The following CLCN4 variants were observed in gnomAD, a reference collection of about 807,000 sequenced individuals.
CLCN4 encodes the protein H(+)/Cl(-) exchange transporter 4.
Under a neutral mutation model 41.7 loss-of-function variants are expected in CLCN4, and 1 was observed. The ratio of observed to expected loss-of-function variants is 0.02; its 90% confidence interval spans 0.01 to 0.11. The LOEUF (loss-of-function observed/expected upper bound fraction) is 0.11, where lower values mean the gene tolerates loss of function less well. CLCN4 is among the 10% of genes least tolerant of loss of function. The pLI is 1.00. For synonymous variants in CLCN4, 277 were observed against 285.8 expected, an observed-to-expected ratio of 0.97 and a Z score of 0.31; for missense variants, 287 against 661.0, an observed-to-expected ratio of 0.43 and a Z score of 6.20.
chrX:10,180,936 C>T (rs189763004), intron 2 of CLCN4, among the ~76,000 whole-genome samples: 4 of 110,846 alleles, frequency 3.6e-5, no homozygotes, highest in Non-Finnish European at 7.6e-5. Flanking sequence ...GGCCCAGGCA[C>T]CAGATGTGTG....
chrX:10,206,810 T>C, intron 8 of CLCN4, 34 bp downstream of exon 8: 1 of 1,058,715 alleles, frequency 9.4e-7, no homozygotes, highest in East Asian at 3.0e-5. Context: ...TTCGTGATTT[T>C]GAGCAGCAAG....
intron 5 of CLCN4, among the ~76,000 whole-genome samples, 157 bp from the exon 6 acceptor site, chrX:10,197,782 A>G: frequency 9.0e-6 from 1 of 111,714 alleles, no homozygotes; most frequent in South Asian, 3.8e-4. Context: ...AACAGCTGAT[A>G]AACCTACGCT....
chrX:10,175,587 T>C (rs1242474320), intron 2 of CLCN4, among the ~76,000 whole-genome samples: 1 of 111,715 alleles, frequency 9.0e-6, no homozygotes, highest in Non-Finnish European at 1.9e-5. Flanking sequence ...GAGATGTTTA[T>C]TTTTAGCTGC....
intron 12 of CLCN4, among the ~76,000 whole-genome samples, chrX:10,225,097 G>A (rs1045886786): frequency 2.7e-5 from 3 of 111,662 alleles, no homozygotes; most frequent in Non-Finnish European, 5.6e-5. Context: ...TATTCCTTTG[G>A]GTATATACTC....
intron 2 of CLCN4, among the ~76,000 whole-genome samples, chrX:10,177,474 A>G (rs1299627730): frequency 8.9e-6 from 1 of 112,054 alleles, no homozygotes; most frequent in African/African-American, 3.3e-5. Flanking sequence ...AGAAGCAGGC[A>G]ACAGTAATCT....
At chrX:10,189,035 A>G (rs755796497) in intron 4 of CLCN4, among the ~76,000 whole-genome samples, 1 of 112,134 alleles carries the variant, frequency 8.9e-6, no homozygotes, top group East Asian at 2.8e-4. Context: ...CAGCCAGGGC[A>G]GGAAATTAGA....
At chrX:10,161,676 GCAGTGATCCC>G (rs1161358066) in intron 2 of CLCN4, among the ~76,000 whole-genome samples, 5 of 111,197 alleles carry the variant, frequency 4.5e-5, no homozygotes, top group Non-Finnish European at 9.4e-5. Context: ...TCGGACAGAT[GCAGTGATCCC>G]CACCCCTGGC....
chrX:10,174,546 C>T (rs964775942), intron 2 of CLCN4, among the ~76,000 whole-genome samples: 7 of 112,536 alleles, frequency 6.2e-5, no homozygotes, highest in African/African-American at 2.3e-4. Context: ...TCAGGACCAT[C>T]CTAGGAGGTG....
intron 4 of CLCN4, among the ~76,000 whole-genome samples, chrX:10,189,416 A>G (rs1465762163): frequency 9.0e-6 from 1 of 111,325 alleles, no homozygotes; most frequent in Non-Finnish European, 1.9e-5. Context: ...CTTCACTTAA[A>G]CAGTATCTCT....
chrX:10,217,901 C>A (rs971778463), intron 11 of CLCN4, among the ~76,000 whole-genome samples: 7 of 110,964 alleles, frequency 6.3e-5, no homozygotes, highest in Non-Finnish European at 1.1e-4. Flanking sequence ...TGCCACCAGG[C>A]GTGGCTAATT....
chrX:10,157,692 G>A (rs966802713), intron 1 of CLCN4, among the ~76,000 whole-genome samples: 5 of 112,722 alleles, frequency 4.4e-5, no homozygotes, highest in African/African-American at 1.6e-4. Flanking sequence ...TTCTGTGATA[G>A]TAAAATGACT....
chrX:10,193,958 AG>A (rs1210482286), intron 4 of CLCN4, among the ~76,000 whole-genome samples: 1 of 53,259 alleles, frequency 1.9e-5, no homozygotes, highest in Non-Finnish European at 4.3e-5. Flanking sequence ...GGAAACAGGG[AG>A]GGTTTTTTTT....
intron 2 of CLCN4, among the ~76,000 whole-genome samples, chrX:10,174,617 T>G (rs753846966): frequency 8.9e-6 from 1 of 112,164 alleles, no homozygotes; most frequent in East Asian, 2.8e-4. Flanking sequence ...GTGACACCCA[T>G]GGCAACCTGC....
chrX:10,160,848 C>T (rs998785249), intron 2 of CLCN4, among the ~76,000 whole-genome samples: 2 of 111,436 alleles, frequency 1.8e-5, no homozygotes, highest in Non-Finnish European at 3.8e-5. Flanking sequence ...GAGCTGCTGT[C>T]GGATCTGTAA....
In CLCN4 at chrX:10,214,531, G is replaced by A. The variant is rs147836899; in HGVS notation, c.1975+452G>A. On this transcript the variant is annotated intron_variant, in intron 11 of 12. Coordinates refer to ENST00000380833, the MANE Select transcript of CLCN4 (RefSeq NM_001830.4). ...AGACTTTCAGGTGTACCAACCATCC[G>A]GCTGAGATCACGAGTTCTCTGCCCC... Among the ~76,000 whole-genome samples the A allele has an allele frequency of 2.6e-3, 297 of 112,850 alleles. 1 individual carries two copies. Among genetic ancestry groups the A allele is most frequent in the African/African-American group, 9.2e-3 (285 of 31,122 alleles).
intron 2 of CLCN4, among the ~76,000 whole-genome samples, chrX:10,180,420 G>A (rs1025791907): frequency 3.6e-5 from 4 of 111,154 alleles, no homozygotes; most frequent in Middle Eastern, 4.6e-3. Context: ...AGCTTCTGCC[G>A]GGTCTCTCTC....
intron 2 of CLCN4, among the ~76,000 whole-genome samples, chrX:10,164,470 T>C (rs1050083326): frequency 2.7e-5 from 3 of 111,185 alleles, no homozygotes; most frequent in African/African-American, 9.8e-5. Flanking sequence ...GGGAGTGACA[T>C]GTTGAGACTG....
intron 6 of CLCN4, among the ~76,000 whole-genome samples, chrX:10,205,771 C>G (rs758737703): frequency 1.9e-5 from 2 of 108,089 alleles, no homozygotes; most frequent in South Asian, 8.3e-4. Flanking sequence ...TCATGCCAAG[C>G]TAATTTTAAT....
At chrX:10,206,955 T>A (rs754507689) in intron 8 of CLCN4, among the ~76,000 whole-genome samples, 179 bp downstream of exon 8, 5 of 110,871 alleles carry the variant, frequency 4.5e-5, no homozygotes, top group Admixed American at 9.6e-5. Flanking sequence ...AGTCTCACTC[T>A]GTCACCCAGG....
Sources: gnomAD v4.1 joint callset for allele counts (sites outside exome capture counted in the v4.1 genomes callset) on GRCh38, gnomAD v4.1.1 for gene constraint, MANE v1.5 for transcripts, NCBI Gene and HGNC (gene_info 2026-07-23, HGNC 2026-07-21) for gene names.